NCK2: variants seen among roughly 807,000 people sequenced by gnomAD.
NCK2 encodes NCK adaptor protein 2, also known as cytoplasmic protein NCK2.
Under a neutral mutation model 33.9 loss-of-function variants are expected in NCK2, and 16 were observed. The ratio of observed to expected loss-of-function variants is 0.47; its 90% CI spans 0.32 to 0.72. The LOEUF is 0.72. NCK2 is among the 30% of genes least tolerant of loss of function. NCK2 has a pLI of 0.03. For synonymous variants in NCK2, 273 were observed against 239.9 expected (o/e 1.14, Z -1.27); for missense variants, 418 against 537.3 (o/e 0.78, Z 2.19).
chr2:105,863,013 C>T (rs1677603822), intron 3 of NCK2, among the ~76,000 whole-genome samples: 1 of 151,752 alleles, frequency 6.6e-6, no homozygotes, highest in Non-Finnish European at 1.5e-5. Flanking sequence ...GAGAATAATA[C>T]CAGATGTCAA....
At chr2:105,826,838 G>A (rs2104511653) in intron 2 of NCK2, among the ~76,000 whole-genome samples, 1 of 151,970 alleles carries the variant, frequency 6.6e-6, no homozygotes, top group Admixed American at 6.6e-5. Context: ...GTATATATAT[G>A]TTGAAAATAA....
At chr2:105,820,708 G>A (rs2104495568) in intron 2 of NCK2, among the ~76,000 whole-genome samples, 1 of 152,300 alleles carries the variant, frequency 6.6e-6, no homozygotes, top group African/African-American at 2.4e-5. Flanking sequence ...GATTGTTGGA[G>A]GCTGGCCATT....
At chr2:105,788,572 A>G (rs1341671928) in intron 1 of NCK2, among the ~76,000 whole-genome samples, 1 of 152,204 alleles carries the variant, frequency 6.6e-6, no homozygotes, top group Non-Finnish European at 1.5e-5. Flanking sequence ...GTTGTACTAT[A>G]TTAATACAAT....
intron 4 of NCK2, among the ~76,000 whole-genome samples, chr2:105,889,306 C>G (rs1678862613): frequency 6.6e-6 from 1 of 152,202 alleles, no homozygotes; most frequent in African/African-American, 2.4e-5. Context: ...GAAAAGTATC[C>G]ACAGACTGGA....
chr2:105,838,034 A>G (rs991002408), intron 2 of NCK2, among the ~76,000 whole-genome samples: 3 of 152,048 alleles, frequency 2.0e-5, no homozygotes, highest in Non-Finnish European at 4.4e-5. Flanking sequence ...ATTTTGATCT[A>G]TGAAAATCAA....
chr2:105,853,265 A>G (rs984083134), intron 2 of NCK2, among the ~76,000 whole-genome samples: 4 of 151,986 alleles, frequency 2.6e-5, no homozygotes, highest in African/African-American at 9.7e-5. Flanking sequence ...CCTAAGAAGT[A>G]GAGAGTTGCT....
intron 3 of NCK2, among the ~76,000 whole-genome samples, chr2:105,861,464 GCTACCTGC>G (rs1677528286): frequency 6.6e-6 from 1 of 151,852 alleles, no homozygotes; most frequent in South Asian, 2.1e-4. Flanking sequence ...TTCTGGTATA[GCTACCTGC>G]TGAAAGTGAT....
intron 1 of NCK2, among the ~76,000 whole-genome samples, chr2:105,762,949 C>CT (rs1217861108): frequency 6.6e-6 from 1 of 152,226 alleles, no homozygotes; most frequent in African/African-American, 2.4e-5. Context: ...AATCCTAGCA[C>CT]TTTGGGAGGC....
intron 1 of NCK2, among the ~76,000 whole-genome samples, chr2:105,779,931 C>CGTG (rs1690433198): frequency 6.6e-6 from 1 of 152,148 alleles, no homozygotes. Context: ...TTCAGGATAG[C>CGTG]GTGTACATAT....
chr2:105,865,570 A>T (rs1248303098), intron 3 of NCK2, among the ~76,000 whole-genome samples: 1 of 152,178 alleles, frequency 6.6e-6, no homozygotes, highest in Non-Finnish European at 1.5e-5. Flanking sequence ...CTAAGGGAAC[A>T]GTTCCCCAGT....
At chr2:105,841,538 TA>T (rs1417475256) in intron 2 of NCK2, among the ~76,000 whole-genome samples, 1 of 152,204 alleles carries the variant, frequency 6.6e-6, no homozygotes, top group East Asian at 1.9e-4. Context: ...TTTGGGTTTT[TA>T]TGGAAGCTTC....
At chr2:105,788,745 CTTCA>C (rs1690771618) in intron 1 of NCK2, among the ~76,000 whole-genome samples, 1 of 151,690 alleles carries the variant, frequency 6.6e-6, no homozygotes, top group African/African-American at 2.4e-5. Context: ...GTTTGTTCTC[CTTCA>C]TTCGTTTTCT....
chr2:105,804,184 G>C (rs1674946502), intron 1 of NCK2, among the ~76,000 whole-genome samples: 2 of 152,216 alleles, frequency 1.3e-5, no homozygotes. Context: ...GAGAAAGCTT[G>C]AGATGTTTTC....
chr2:105,807,068 A>G (rs185585260), intron 1 of NCK2, among the ~76,000 whole-genome samples: 5 of 152,292 alleles, frequency 3.3e-5, no homozygotes, highest in Admixed American at 2.6e-4. Context: ...TGTGGAATGA[A>G]GGTAGAGTCT....
chr2:105,769,891 A>G (rs1202628611), intron 1 of NCK2, among the ~76,000 whole-genome samples: 1 of 152,118 alleles, frequency 6.6e-6, no homozygotes, highest in Non-Finnish European at 1.5e-5. Context: ...CTTTGTTTTT[A>G]ATTTTTTGAC....
intron 1 of NCK2, among the ~76,000 whole-genome samples, chr2:105,794,203 C>T (rs1179856299): frequency 6.6e-6 from 1 of 151,956 alleles, no homozygotes; most frequent in Non-Finnish European, 1.5e-5. Context: ...CGCCTGCCAC[C>T]ACGCTGGCTA....
At chr2:105,880,105 G>A (rs1017124711) in intron 3 of NCK2, among the ~76,000 whole-genome samples, 2 of 152,074 alleles carry the variant, frequency 1.3e-5, no homozygotes, top group East Asian at 1.9e-4. Flanking sequence ...TTTTACCTTA[G>A]GGCTTTTCTA....
At chr2:105,788,135 T>C (rs1400198758) in intron 1 of NCK2, among the ~76,000 whole-genome samples, 1 of 152,116 alleles carries the variant, frequency 6.6e-6, no homozygotes, top group Non-Finnish European at 1.5e-5. Flanking sequence ...GTGTAGGGGA[T>C]TAGAAGTGAG....
At chr2:105,860,410 A>G (rs1458626818) in intron 3 of NCK2, among the ~76,000 whole-genome samples, 1 of 152,188 alleles carries the variant, frequency 6.6e-6, no homozygotes, top group African/African-American at 2.4e-5. Flanking sequence ...AGAGGTCAGG[A>G]TGGACAGAGC....
Sources: allele counts gnomAD v4.1 joint callset (sites outside exome capture counted in the v4.1 genomes callset), GRCh38; gene constraint gnomAD v4.1.1; transcripts MANE v1.5; gene names NCBI Gene and HGNC (gene_info 2026-07-23, HGNC 2026-07-21).